The following ADARB1 variants were observed in gnomAD, a reference collection of about 807,000 sequenced individuals.
The protein encoded by ADARB1 is adenosine deaminase RNA specific B1.
ADARB1 carries 10 observed loss-of-function variants against 52.4 expected under a neutral mutation model. That is an observed-to-expected ratio of 0.19 (90% CI 0.12 to 0.32). The LOEUF (loss-of-function observed/expected upper bound fraction) is 0.32. Ranked by LOEUF, ADARB1 falls within the 10% of genes least tolerant of loss-of-function variation. The pLI is 1.00. For synonymous variants in ADARB1, 349 were observed against 371.1 expected (o/e 0.94, Z 0.68); for missense variants, 643 against 922.3 (o/e 0.70, Z 3.92).
In ADARB1 at chr21:45,074,844, C is replaced by T. The variant is rs529066305; in HGVS notation, c.-220+51C>T. 1.3e-4 allele frequency: 20 copies of T among 148,622 alleles called. No individual in the cohort carries two copies. In the South Asian group the frequency reaches 3.4e-3, roughly 25 times the overall value. The allele number at this position is 148,622 out of a possible 1,614,324, so 9.2% of individuals were successfully genotyped here. A position where few individuals can be genotyped will look rare whatever the true frequency, so the allele number is the denominator to read the frequency against. ...GCTCGGGCGGGCGCGGGCTCCGGAC[C>T]CCGCGGTGGCGGCGTTTATGTAAGC... On this transcript the variant is annotated intron_variant, in intron 1 of 10. Transcript: ENST00000348831.
At chr21:45,198,215 C>CT (rs1197115708) in intron 8 of ADARB1, among the ~76,000 whole-genome samples, 2 of 152,164 alleles carry the variant, frequency 1.3e-5, no homozygotes, top group Non-Finnish European at 2.9e-5. Context: ...AACAAAGCCT[C>CT]TAAGATGTCA....
At chr21:45,087,683 A>G (rs2123665922) in intron 1 of ADARB1, among the ~76,000 whole-genome samples, 1 of 152,292 alleles carries the variant, frequency 6.6e-6, no homozygotes, top group South Asian at 2.1e-4. Flanking sequence ...CCACAGCAAT[A>G]CTTCATATAC....
At position 45,224,568 on chromosome 21, in the gene ADARB1, G is replaced by C; in HGVS notation, c.*2371G>C. On this transcript the variant is annotated 3_prime_UTR_variant, in exon 11 of 11. Coordinates refer to ENST00000348831, the MANE Select transcript of ADARB1 (RefSeq NM_001112.4). ...CGGCTGTTGGGGGGAACTGGGTTCG[G>C]GGTGCCCTGGGCAGGGGGCTACTGG... The C allele has an allele frequency of 2.2e-6, 2 of 909,462 alleles. No individual in the cohort carries two copies. The highest frequency in any genetic ancestry group is 2.6e-6 in the Non-Finnish European group (2 of 756,608). The allele number at this position is 909,462 out of a possible 1,614,324, so 56.3% of individuals were successfully genotyped here.
intron 2 of ADARB1, among the ~76,000 whole-genome samples, chr21:45,149,010 G>C (rs2090148609): frequency 6.6e-6 from 1 of 152,172 alleles, no homozygotes; most frequent in African/African-American, 2.4e-5. Flanking sequence ...GAGTCTCTAT[G>C]GCTTTCAGGA....
rs2146474305 is a variant in ADARB1 at position 45,222,633 on chromosome 21, A to T, written c.*436A>T. On this transcript the variant is annotated 3_prime_UTR_variant, in exon 11 of 11. Transcript: ENST00000348831. ...GAAGTAATTGTGTCAGGTCACTTTT[A>T]TGCCACATTATTTTAATTGCAAAAA... 4.0e-6 allele frequency: 4 copies of T among 992,912 alleles called. No individual in the cohort carries two copies. In the South Asian group the frequency reaches 1.4e-4, roughly 35 times the overall value. The allele number at this position is 992,912 out of a possible 1,614,324, so 61.5% of individuals were successfully genotyped here. A position where few individuals can be genotyped will look rare whatever the true frequency, so the allele number is the denominator to read the frequency against.
intron 1 of ADARB1, among the ~76,000 whole-genome samples, chr21:45,078,089 G>C (rs1221796022): frequency 6.6e-6 from 1 of 151,852 alleles, no homozygotes; most frequent in Non-Finnish European, 1.5e-5. Context: ...AGTACTGCTT[G>C]CTGCACTTTT....
At chr21:45,149,051 A>C (rs1264746282) in intron 2 of ADARB1, among the ~76,000 whole-genome samples, 6 of 152,190 alleles carry the variant, frequency 3.9e-5, no homozygotes, top group Non-Finnish European at 8.8e-5. Flanking sequence ...TCAGCGTGAA[A>C]GGCCCTTTCA....
intron 1 of ADARB1, among the ~76,000 whole-genome samples, chr21:45,087,763 C>T (rs1039410238): frequency 3.9e-5 from 6 of 152,152 alleles, no homozygotes; most frequent in Non-Finnish European, 7.3e-5. Context: ...AAGCGGAAAA[C>T]ACACATCTCA....
chr21:45,081,094 C>G (rs1183843171), intron 1 of ADARB1, among the ~76,000 whole-genome samples: 3 of 152,236 alleles, frequency 2.0e-5, no homozygotes, highest in African/African-American at 7.2e-5. Flanking sequence ...TCTCCATCAT[C>G]TGTGCAGTGG....
At chr21:45,105,246 G>T (rs968123908) in intron 1 of ADARB1, among the ~76,000 whole-genome samples, 5 of 152,032 alleles carry the variant, frequency 3.3e-5, no homozygotes, top group Admixed American at 1.3e-4. Context: ...GATTACAGGT[G>T]CCCGCCACCA....
intron 8 of ADARB1, among the ~76,000 whole-genome samples, chr21:45,202,512 A>G (rs1170758912): frequency 1.3e-5 from 2 of 152,122 alleles, no homozygotes; most frequent in Non-Finnish European, 2.9e-5. Flanking sequence ...AACTGTGGGC[A>G]TTGTCAGGCA....
At chr21:45,210,383 G>A (rs567302848) in intron 9 of ADARB1, among the ~76,000 whole-genome samples, 5 of 152,300 alleles carry the variant, frequency 3.3e-5, no homozygotes, top group South Asian at 2.1e-4. Flanking sequence ...TTCTAAACTC[G>A]AGATCCTACG....
chr21:45,119,995 T>C (rs1569028869), intron 1 of ADARB1, among the ~76,000 whole-genome samples: 1 of 152,382 alleles, frequency 6.6e-6, no homozygotes, highest in East Asian at 1.9e-4. Context: ...TTACCAAGCT[T>C]TGCAGCTCTG....
At position 45,172,265 on chromosome 21, in the gene ADARB1, A is replaced by C. The variant is rs1183295172; in HGVS notation, c.28+581A>C. Among the ~76,000 whole-genome samples the C allele has an allele frequency of 1.3e-5, 2 of 152,146 alleles. No homozygotes were observed. Among genetic ancestry groups the C allele is most frequent in the Non-Finnish European group, 2.9e-5 (2 of 68,026 alleles). On this transcript the variant is annotated intron_variant, in intron 3 of 10. Transcript: ENST00000348831. The surrounding 1 kb of genome is among the most constrained non-coding windows in gnomAD (Gnocchi z 4.4). ...GCTGGGGTACGTTGGTGTTTCGGTG[A>C]AGGTACTTATCTCTTCTAGTTCATC... is the stretch of plus-strand genomic sequence containing the variant.
At chr21:45,170,617 T>G (rs1376263129) in intron 2 of ADARB1, among the ~76,000 whole-genome samples, 1 of 151,798 alleles carries the variant, frequency 6.6e-6, no homozygotes, top group Admixed American at 6.6e-5. Context: ...TTGATATAGA[T>G]ATATAAGATA....
intron 8 of ADARB1, among the ~76,000 whole-genome samples, chr21:45,201,280 T>G (rs1330985034): frequency 6.6e-6 from 1 of 152,178 alleles, no homozygotes; most frequent in Non-Finnish European, 1.5e-5. Context: ...CTTTGTGAGG[T>G]GCATTAGTGG....
chr21:45,225,180 A>C lies in ADARB1; in HGVS notation c.*2983A>C. The C allele has an allele frequency of 9.6e-7, 1 of 1,038,334 alleles. No homozygotes were observed. 64.3% of individuals were successfully genotyped at this position (1,038,334 alleles called of 1,614,324 possible). On this transcript the variant is annotated 3_prime_UTR_variant, in exon 11 of 11. Transcript: ENST00000348831. The stretch of plus-strand genomic sequence containing the variant: ...GCTCTGCCAGGGACAGAGTCCTGCT[A>C]GTGGGAGGTCTCAGGTGGGGCGGTG...
intron 8 of ADARB1, among the ~76,000 whole-genome samples, chr21:45,190,630 A>G (rs1449638581): frequency 1.3e-5 from 2 of 152,210 alleles, no homozygotes; most frequent in East Asian, 3.8e-4. Flanking sequence ...AGCTGGCTAA[A>G]AAATCTAGGA....
At position 45,190,183 on chromosome 21, in the gene ADARB1, A is replaced by G. The variant is rs1213801293; in HGVS notation, c.1565+5092A>G. ...TCTGACTCAGTGATTTCAAAAAAAG[A>G]CAGTGACCTGTCTTCTTTTTTCCAC... On this transcript the variant is annotated intron_variant, in intron 8 of 10. Transcript: ENST00000348831. Among the ~76,000 whole-genome samples the G allele has an allele frequency of 3.3e-5, 5 of 152,088 alleles. No individual in the cohort carries two copies. In the East Asian group the frequency reaches 9.6e-4, roughly 29 times the overall value.
Sources: gnomAD v4.1 joint callset for allele counts (sites outside exome capture counted in the v4.1 genomes callset) on GRCh38, gnomAD v4.1.1 for gene constraint, Gnocchi (gnomAD v3.1) non-coding constraint, MANE v1.5 for transcripts, NCBI Gene and HGNC (gene_info 2026-07-23, HGNC 2026-07-21) for gene names.